Variants in FGF14 observed in about 807,000 individuals in gnomAD.
FGF14 encodes the protein fibroblast growth factor 14, also known as fibroblast growth factor homologous factor 4.
Under a neutral mutation model 25.5 loss-of-function variants are expected in FGF14, and 5 were observed. The ratio of observed to expected loss-of-function variants is 0.20; its 90% CI spans 0.10 to 0.41. The LOEUF (loss-of-function observed/expected upper bound fraction) is 0.41. Among genes scored for constraint, FGF14 ranks in the 10% least tolerant of loss-of-function variants. The probability of loss-of-function intolerance (pLI) is 1.00; values close to 1 mark genes in which losing one functional copy is unlikely to be tolerated. For synonymous variants in FGF14, 138 were observed against 118.3 expected, an observed-to-expected ratio of 1.17 and a Z score of -1.08; for missense variants, 222 against 320.1, an observed-to-expected ratio of 0.69 and a Z score of 2.34.
intron 1 of FGF14, among the ~76,000 whole-genome samples, chr13:102,381,977 A>T (rs2058193398): frequency 1.3e-5 from 2 of 152,208 alleles, no homozygotes; most frequent in South Asian, 4.1e-4. Context: ...CCTACCTCAC[A>T]GCATCTACTA....
chr13:102,100,440 C>A (rs2044605278), intron 1 of FGF14, among the ~76,000 whole-genome samples: 1 of 152,188 alleles, frequency 6.6e-6, no homozygotes, highest in Non-Finnish European at 1.5e-5. Context: ...GCAGCAGATT[C>A]CTGGCTTTGC....
intron 1 of FGF14, among the ~76,000 whole-genome samples, chr13:102,058,143 T>C (rs961302358): frequency 6.6e-6 from 1 of 152,228 alleles, no homozygotes; most frequent in African/African-American, 2.4e-5. Flanking sequence ...AGCTAAGGCT[T>C]TGTGACAGCC....
intron 1 of FGF14, among the ~76,000 whole-genome samples, chr13:101,906,641 T>A (rs1029432254): frequency 6.6e-6 from 1 of 152,184 alleles, no homozygotes; most frequent in African/African-American, 2.4e-5. Context: ...AGTAGTTACA[T>A]GTTACCCCGG....
At chr13:101,805,645 A>G (rs1466550377) in intron 3 of FGF14, among the ~76,000 whole-genome samples, 1 of 152,152 alleles carries the variant, frequency 6.6e-6, no homozygotes, top group East Asian at 1.9e-4. Context: ...ATGGCTATAT[A>G]ATATTCTTTT....
At position 102,084,967 on chromosome 13, in the gene FGF14, A is replaced by G. The variant is rs374026092; in HGVS notation, c.209-209671T>C. 2.6e-4 allele frequency among the ~76,000 whole-genome samples: 40 copies of G among 152,344 alleles called. No individual in the cohort carries two copies. In the South Asian group the frequency reaches 8.1e-3, roughly 31 times the overall value. On this transcript the variant is annotated intron_variant, in intron 1 of 4. Coordinates refer to the FGF14 transcript ENST00000376131. The stretch of plus-strand genomic sequence containing the variant: ...GTTTTGGACTTTATTCTTTAAGTGA[A>G]AAGTTCCCCCACAACTCCCAGCAGT...
At chr13:102,161,645 A>G (rs1172343222) in intron 1 of FGF14, among the ~76,000 whole-genome samples, 377 of 11,930 alleles carry the variant, frequency 0.032, 17 homozygotes, top group South Asian at 0.098. Flanking sequence ...AAGAAGAAGA[A>G]GAAGAAGAAG....
intron 3 of FGF14, among the ~76,000 whole-genome samples, chr13:101,805,858 C>T (rs142073764): frequency 6.6e-6 from 1 of 151,768 alleles, no homozygotes; most frequent in Non-Finnish European, 1.5e-5. Context: ...AAACAAAAGC[C>T]CAAATGGAGT....
At chr13:101,743,205 C>T (rs1168613612) in intron 3 of FGF14, among the ~76,000 whole-genome samples, 1 of 152,174 alleles carries the variant, frequency 6.6e-6, no homozygotes, top group African/African-American at 2.4e-5. Context: ...ATATCTTTAA[C>T]CTTGGAAAAA....
intron 3 of FGF14, among the ~76,000 whole-genome samples, chr13:101,764,056 C>T (rs1346616372): frequency 3.3e-5 from 5 of 152,106 alleles, no homozygotes; most frequent in Non-Finnish European, 5.9e-5. Flanking sequence ...ACCAAAGTGG[C>T]AGAAGCTAGT....
intron 1 of FGF14, among the ~76,000 whole-genome samples, chr13:102,158,815 G>A (rs2047484528): frequency 6.6e-6 from 1 of 152,006 alleles, no homozygotes; most frequent in Non-Finnish European, 1.5e-5. Context: ...TATATAACAG[G>A]AATCACAATT....
At chr13:101,944,116 C>G (rs1167992584) in intron 1 of FGF14, among the ~76,000 whole-genome samples, 1 of 151,652 alleles carries the variant, frequency 6.6e-6, no homozygotes, top group African/African-American at 2.4e-5. Flanking sequence ...TGCATATTTT[C>G]AAAGACAGTG....
At chr13:101,856,824 T>G (rs558607226) in intron 3 of FGF14, among the ~76,000 whole-genome samples, 18 of 152,158 alleles carry the variant, frequency 1.2e-4, no homozygotes, top group Admixed American at 5.9e-4. Context: ...AAGCTATGTC[T>G]GAAATACAGC....
chr13:102,010,221 T>G (rs1338774128), intron 1 of FGF14, among the ~76,000 whole-genome samples: 1 of 152,140 alleles, frequency 6.6e-6, no homozygotes, highest in Non-Finnish European at 1.5e-5. Flanking sequence ...ACAGTGGGTT[T>G]TATATTATAT....
intron 1 of FGF14, among the ~76,000 whole-genome samples, chr13:102,296,694 C>T (rs534856584): frequency 2.5e-4 from 38 of 152,240 alleles, no homozygotes; most frequent in African/African-American, 8.9e-4. Context: ...ACCACTTCCC[C>T]CAGAAAAGCA....
At chr13:101,983,960 T>C (rs2038416380) in intron 1 of FGF14, among the ~76,000 whole-genome samples, 1 of 152,190 alleles carries the variant, frequency 6.6e-6, no homozygotes, top group African/African-American at 2.4e-5. Context: ...CTGGTCACGC[T>C]TTCCCATCTA....
At chr13:101,997,988 C>T (rs1463982659) in intron 1 of FGF14, among the ~76,000 whole-genome samples, 2 of 152,114 alleles carry the variant, frequency 1.3e-5, no homozygotes, top group Admixed American at 6.5e-5. Flanking sequence ...CATCACACCC[C>T]TTTGTGTGTG....
rs146576965 is a variant in FGF14, at chr13:102,105,394, AT to A, written c.209-230099del. On this transcript the variant is annotated intron_variant, in intron 1 of 4. Coordinates refer to the FGF14 transcript ENST00000376131. Reference sequence around the variant, plus strand: ...GTTGACCTCTATCGGTGACAATTATATTTTTTTCATGAGGAAACACTGACCT... The same window carrying A: ...GTTGACCTCTATCGGTGACAATTATATTTTTTCATGAGGAAACACTGACCT... Among the ~76,000 whole-genome samples the A allele has an allele frequency of 8.7e-4, 132 of 152,198 alleles. 1 individual carries two copies. In the East Asian group the frequency reaches 0.016, roughly 18 times the overall value.
chr13:101,776,254 G>A (rs900060357), intron 3 of FGF14, among the ~76,000 whole-genome samples: 14 of 152,144 alleles, frequency 9.2e-5, no homozygotes, highest in African/African-American at 1.9e-4. Context: ...CAGCCAGAAC[G>A]TGAAGCTATT....
rs117781934 is a variant in FGF14, at chr13:101,815,539, G to A, written c.408+53186C>T. Among the ~76,000 whole-genome samples, 1,196 of 152,248 alleles carry A rather than the reference G, an allele frequency of 7.9e-3. 14 individuals carry two copies. Among genetic ancestry groups the A allele is most frequent in the Non-Finnish European group, 0.013 (855 of 68,014 alleles). ...ACTGAAAACAAGAGAAGGGAGAAGGGCGGATTGGAGTTACTTTGGCAAAAG... is the reference window on the plus strand; with the variant it reads ...ACTGAAAACAAGAGAAGGGAGAAGGACGGATTGGAGTTACTTTGGCAAAAG... On this transcript the variant is annotated intron_variant, in intron 3 of 4. Coordinates refer to ENST00000376143, the MANE Select transcript of FGF14 (RefSeq NM_004115.4).
Sources: allele counts gnomAD v4.1 joint callset (sites outside exome capture counted in the v4.1 genomes callset), GRCh38; gene constraint gnomAD v4.1.1; transcripts MANE v1.5; gene names NCBI Gene and HGNC (gene_info 2026-07-23, HGNC 2026-07-21).